The following CA10 variants were observed in gnomAD, a reference collection of about 807,000 sequenced individuals.
The protein encoded by CA10 is carbonic anhydrase-related protein 10.
CA10 carries 14 observed loss-of-function variants against 44.2 expected under a neutral mutation model. The observed-to-expected ratio is 0.32, with a 90% CI of 0.21 to 0.50. The LOEUF (loss-of-function observed/expected upper bound fraction) is 0.50, where lower values mean the gene tolerates loss of function less well. Ranked by LOEUF, CA10 falls within the 20% of genes least tolerant of loss-of-function variation. The pLI is 0.99. For missense variants in CA10, 350 were observed against 409.7 expected, an observed-to-expected ratio of 0.85 and a Z score of 1.26; for synonymous variants, 159 against 141.6, an observed-to-expected ratio of 1.12 and a Z score of -0.87.
intron 2 of CA10, among the ~76,000 whole-genome samples, chr17:51,989,281 C>T (rs987993664): frequency 1.3e-5 from 2 of 151,602 alleles, no homozygotes; most frequent in South Asian, 4.1e-4. Flanking sequence ...GCCTAGTATC[C>T]ATTAGTTATT....
At chr17:51,924,731 T>C (rs987457548) in intron 3 of CA10, among the ~76,000 whole-genome samples, 2 of 152,098 alleles carry the variant, frequency 1.3e-5, no homozygotes, top group African/African-American at 4.8e-5. Context: ...CTCTCCATGG[T>C]TGGTTCATTT....
At chr17:51,716,877 C>A (rs1916130654) in intron 4 of CA10, among the ~76,000 whole-genome samples, 1 of 152,136 alleles carries the variant, frequency 6.6e-6, no homozygotes, top group African/African-American at 2.4e-5. Context: ...GTAGGGCCAG[C>A]ATTTGTTCAT....
At chr17:52,139,908 G>A (rs948252975) in intron 1 of CA10, among the ~76,000 whole-genome samples, 2 of 152,172 alleles carry the variant, frequency 1.3e-5, no homozygotes, top group African/African-American at 4.8e-5. Context: ...TGGAGTGGGT[G>A]TTTGGAGTGA....
At chr17:51,956,828 A>C (rs889307068) in intron 2 of CA10, among the ~76,000 whole-genome samples, 12 of 152,074 alleles carry the variant, frequency 7.9e-5, no homozygotes, top group African/African-American at 2.9e-4. Context: ...CCCACACCCA[A>C]AGCAGAGGGA....
chr17:51,885,547 C>A (rs1276705995), intron 3 of CA10, among the ~76,000 whole-genome samples: 3 of 152,312 alleles, frequency 2.0e-5, no homozygotes, highest in African/African-American at 7.2e-5. Context: ...CTCCTAAGAC[C>A]AGCTCAGTTC....
chr17:51,995,189 T>C (rs914381358), intron 2 of CA10, among the ~76,000 whole-genome samples: 3 of 152,024 alleles, frequency 2.0e-5, no homozygotes, highest in Non-Finnish European at 2.9e-5. Flanking sequence ...CCATGTAATA[T>C]GATTTATTGC....
chr17:51,666,679 A>G (rs1290040632), intron 4 of CA10, among the ~76,000 whole-genome samples: 2 of 146,328 alleles, frequency 1.4e-5, no homozygotes, highest in Non-Finnish European at 3.0e-5. Context: ...ATGTGCCAGT[A>G]CTTGACAAGT....
chr17:52,127,703 T>C (rs2143337958), intron 1 of CA10, among the ~76,000 whole-genome samples: 1 of 152,344 alleles, frequency 6.6e-6, no homozygotes, highest in African/African-American at 2.4e-5. Flanking sequence ...CAGCTGGCAA[T>C]GGTTCTCCCC....
intron 3 of CA10, among the ~76,000 whole-genome samples, chr17:51,925,481 G>A (rs1480486177): frequency 2.6e-5 from 4 of 151,204 alleles, no homozygotes; most frequent in Admixed American, 2.6e-4. Context: ...TGGAATCCTT[G>A]TGTGTTGCTG....
At chr17:51,912,962 T>G (rs1055010964) in intron 3 of CA10, among the ~76,000 whole-genome samples, 1 of 152,222 alleles carries the variant, frequency 6.6e-6, no homozygotes, top group African/African-American at 2.4e-5. Context: ...TTGTCTGTGC[T>G]AAGAATCTAT....
chr17:51,692,132 G>GGA (rs143946825), intron 4 of CA10, among the ~76,000 whole-genome samples: 12,421 of 151,846 alleles, frequency 0.082, 1,695 homozygotes, highest in African/African-American at 0.28. Context: ...CATGAGCATG[G>GGA]GATATCTCAC....
chr17:51,735,060 G>A (rs1036491208), intron 4 of CA10, among the ~76,000 whole-genome samples: 4 of 152,142 alleles, frequency 2.6e-5, no homozygotes, highest in African/African-American at 9.7e-5. Context: ...CATCTTCTTA[G>A]AATAAGGGTT....
chr17:51,659,117 A>G (rs1913906343), intron 4 of CA10, among the ~76,000 whole-genome samples: 1 of 152,180 alleles, frequency 6.6e-6, no homozygotes, highest in African/African-American at 2.4e-5. Flanking sequence ...AGATATTAGC[A>G]TTTGAATCAG....
At chr17:51,729,765 C>T (rs1418910652) in intron 4 of CA10, among the ~76,000 whole-genome samples, 1 of 152,198 alleles carries the variant, frequency 6.6e-6, no homozygotes, top group Non-Finnish European at 1.5e-5. Flanking sequence ...AAACCTCATA[C>T]ATCTCTGCTT....
Position 51,659,342 on chromosome 17 carries a change from TGGGATTG to T in CA10, c.466-5613_466-5607del, listed in dbSNP as rs544466761. On this transcript the variant is annotated intron_variant, in intron 4 of 8. Coordinates refer to ENST00000451037, the MANE Select transcript of CA10 (RefSeq NM_020178.5). ...AGCGACCACCTCTCTCCCTGTGGTT[TGGGATTG>T]GGGATTACACCATCAGCACCTCCTG... Among the ~76,000 whole-genome samples, 637 of 152,276 alleles carry T rather than the reference TGGGATTG, an allele frequency of 4.2e-3. 2 individuals are homozygous for T. The highest frequency in any genetic ancestry group is 0.014 in the Middle Eastern group (4 of 294).
rs1372889280 is a variant in CA10 at position 51,849,213 on chromosome 17, A to G, written c.279+81777T>C. Among the ~76,000 whole-genome samples the G allele has an allele frequency of 8.9e-3, 478 of 54,010 alleles. 10 individuals are homozygous for G. The highest frequency in any genetic ancestry group is 0.027 in the African/African-American group (258 of 9,452). 35.4% of individuals were successfully genotyped at this position (54,010 alleles called of 152,430 possible). On this transcript the variant is annotated intron_variant, in intron 3 of 8. Transcript: ENST00000451037. ...TATATATATACATATATGTATATATATATATACATATATGTGTGTGTATAT... is the reference window on the plus strand; with the variant it reads ...TATATATATACATATATGTATATATGTATATACATATATGTGTGTGTATAT...
chr17:52,107,668 C>T (rs920577467), intron 1 of CA10, among the ~76,000 whole-genome samples: 3 of 152,166 alleles, frequency 2.0e-5, no homozygotes, highest in Non-Finnish European at 4.4e-5. Flanking sequence ...GGGAGAAAAG[C>T]TGGCTCTGAG....
At chr17:51,792,080 T>C (rs920216656) in intron 3 of CA10, among the ~76,000 whole-genome samples, 1 of 152,190 alleles carries the variant, frequency 6.6e-6, no homozygotes, top group African/African-American at 2.4e-5. Context: ...TGCTATATTG[T>C]GTCTACTCCA....
At chr17:52,004,345 C>T (rs1985529851) in intron 2 of CA10, among the ~76,000 whole-genome samples, 1 of 151,854 alleles carries the variant, frequency 6.6e-6, no homozygotes, top group African/African-American at 2.4e-5. Flanking sequence ...AACTGGAACC[C>T]AAACCAAAAG....
Sources: allele counts gnomAD v4.1 joint callset (sites outside exome capture counted in the v4.1 genomes callset), GRCh38; gene constraint gnomAD v4.1.1; transcripts MANE v1.5; gene names NCBI Gene and HGNC (gene_info 2026-07-23, HGNC 2026-07-21).